FBXL5: variants seen among roughly 807,000 people sequenced by gnomAD.
The protein encoded by FBXL5 is F-box and leucine rich repeat protein 5, also known as F-box/LRR-repeat protein 5.
Under a neutral mutation model 78.3 loss-of-function variants are expected in FBXL5, and 26 were observed. The observed-to-expected ratio is 0.33, with a 90% CI of 0.24 to 0.46. The LOEUF is 0.46. Ranked by LOEUF, FBXL5 falls within the 20% of genes least tolerant of loss-of-function variation. The pLI is 1.00. For synonymous variants in FBXL5, 295 were observed against 282.5 expected, an observed-to-expected ratio of 1.04 and a Z score of -0.45; for missense variants, 710 against 829.2, an observed-to-expected ratio of 0.86 and a Z score of 1.77.
chr4:15,644,075 G>A (rs898950979), intron 2 of FBXL5, among the ~76,000 whole-genome samples: 3 of 152,190 alleles, frequency 2.0e-5, no homozygotes, highest in African/African-American at 7.2e-5. Flanking sequence ...TTGGTTTAGT[G>A]AAAAATCTCT....
intron 5 of FBXL5, 76 bp from the exon 6 acceptor site, chr4:15,630,867 A>C: frequency 6.4e-7 from 1 of 1,557,458 alleles, no homozygotes; most frequent in Non-Finnish European, 8.7e-7. Context: ...TAAGCTATTT[A>C]CGATAAAAAT....
At chr4:15,680,154 GGA>G (rs1718164628) in intron 1 of FBXL5, among the ~76,000 whole-genome samples, 1 of 151,924 alleles carries the variant, frequency 6.6e-6, no homozygotes, top group South Asian at 2.1e-4. Flanking sequence ...AAATATTGAA[GGA>G]GAGACCGAGT....
Position 15,605,626 on chromosome 4 carries a change from A to C in FBXL5, c.*97T>G, listed in dbSNP as rs1721832030. The stretch of plus-strand genomic sequence containing the variant: ...ATGGGGCCAAAACAAGTCACGCTCA[A>C]AAAGGGATGGTTAACACAAGAAATG... On this transcript the variant is annotated 3_prime_UTR_variant, in exon 11 of 11. Transcript: ENST00000341285. 9.9e-7 allele frequency: 1 copy of C among 1,013,788 alleles called. No homozygotes were observed. The highest frequency in any genetic ancestry group is 2.3e-5 in the Admixed American group (1 of 43,972). 62.8% of individuals were successfully genotyped at this position (1,013,788 alleles called of 1,614,324 possible). A position where few individuals can be genotyped will look rare whatever the true frequency, so the allele number is the denominator to read the frequency against.
At chr4:15,631,093 G>C (rs533429513) in intron 5 of FBXL5, among the ~76,000 whole-genome samples, 1 of 152,054 alleles carries the variant, frequency 6.6e-6, no homozygotes, top group African/African-American at 2.4e-5. Context: ...ACAGGACCTA[G>C]TGTGTGACGT....
intron 9 of FBXL5, among the ~76,000 whole-genome samples, chr4:15,615,986 G>A (rs368723693): frequency 4.6e-5 from 7 of 152,022 alleles, no homozygotes; most frequent in Non-Finnish European, 7.4e-5. Flanking sequence ...AACACTCACC[G>A]CGAAGATCTG....
chr4:15,644,958 A>G (rs1715215277), intron 1 of FBXL5, among the ~76,000 whole-genome samples: 1 of 152,230 alleles, frequency 6.6e-6, no homozygotes, highest in South Asian at 2.1e-4. Context: ...TGCACAAATC[A>G]CGGTTTCTTT....
chr4:15,630,935 C>CTTTT (rs1335402430), intron 5 of FBXL5, 144 bp from the exon 6 acceptor site: 6 of 1,004,454 alleles, frequency 6.0e-6, no homozygotes, highest in Non-Finnish European at 7.2e-6. Context: ...TTTTTTAATA[C>CTTTT]TTTTAAGTTC....
At chr4:15,639,718 G>A (rs2148641841) in intron 3 of FBXL5, among the ~76,000 whole-genome samples, 1 of 152,242 alleles carries the variant, frequency 6.6e-6, no homozygotes, top group East Asian at 1.9e-4. Context: ...TGAGTTGGGG[G>A]GCCCTGAAAA....
At chr4:15,667,700 A>G (rs554093821) in intron 1 of FBXL5, among the ~76,000 whole-genome samples, 39 of 152,254 alleles carry the variant, frequency 2.6e-4, no homozygotes, top group Non-Finnish European at 4.7e-4. Context: ...AGATATGATA[A>G]ATAAAACATG....
At chr4:15,626,084 A>G (rs551801357) in intron 8 of FBXL5, 107 bp from the exon 9 acceptor site, 1 of 1,005,916 alleles carries the variant, frequency 9.9e-7, no homozygotes. Flanking sequence ...CATCTAATAT[A>G]ATCACTTAAG....
intron 1 of FBXL5, among the ~76,000 whole-genome samples, chr4:15,653,318 T>C (rs980284023): frequency 1.3e-5 from 2 of 152,282 alleles, no homozygotes; most frequent in African/African-American, 4.8e-5. Context: ...AGATATCTTG[T>C]AAAAAAGCAA....
intron 4 of FBXL5, among the ~76,000 whole-genome samples, chr4:15,638,199 T>C (rs987337967): frequency 1.3e-5 from 2 of 152,204 alleles, no homozygotes; most frequent in Non-Finnish European, 2.9e-5. Context: ...TTTTGACTGA[T>C]CGATTTTGAG....
upstream of FBXL5, among the ~76,000 whole-genome samples, chr4:15,661,632 CT>C (rs975139845): frequency 6.6e-6 from 1 of 151,978 alleles, no homozygotes; most frequent in Non-Finnish European, 1.5e-5. Context: ...AAGATGGGGT[CT>C]TTTTTTTCTC....
chr4:15,678,523 A>G (rs183043039), intron 1 of FBXL5, among the ~76,000 whole-genome samples: 1 of 152,362 alleles, frequency 6.6e-6, no homozygotes, highest in East Asian at 1.9e-4. Context: ...ACTTTCATGC[A>G]TAGGTATACT....
chr4:15,665,103 T>C (rs1190798455), intron 1 of FBXL5, among the ~76,000 whole-genome samples: 1 of 152,146 alleles, frequency 6.6e-6, no homozygotes, highest in Non-Finnish European at 1.5e-5. Flanking sequence ...AGATGAAAAC[T>C]GAGCCACGTG....
At chr4:15,672,277 G>GA (rs1278733404) in intron 1 of FBXL5, among the ~76,000 whole-genome samples, 1 of 152,166 alleles carries the variant, frequency 6.6e-6, no homozygotes, top group Non-Finnish European at 1.5e-5. Flanking sequence ...CTGTCTTGTG[G>GA]AAACAGCCAA....
chr4:15,624,887 A>G (rs558449263), intron 9 of FBXL5, among the ~76,000 whole-genome samples: 1 of 152,252 alleles, frequency 6.6e-6, no homozygotes, highest in African/African-American at 2.4e-5. Context: ...ACTATAACAT[A>G]CAGAAATAAT....
chr4:15,676,100 G>A (rs1385164326), intron 1 of FBXL5, among the ~76,000 whole-genome samples: 1 of 152,178 alleles, frequency 6.6e-6, no homozygotes, highest in African/African-American at 2.4e-5. Flanking sequence ...CAGAAAGGAG[G>A]TTAGAGGAGA....
At chr4:15,672,543 A>T (rs1386961658) in intron 1 of FBXL5, among the ~76,000 whole-genome samples, 1 of 152,220 alleles carries the variant, frequency 6.6e-6, no homozygotes, top group African/African-American at 2.4e-5. Flanking sequence ...GTATCTAAAC[A>T]TAGAAAAGTT....
Sources: allele counts gnomAD v4.1 joint callset (sites outside exome capture counted in the v4.1 genomes callset), GRCh38; gene constraint gnomAD v4.1.1; transcripts MANE v1.5; gene names NCBI Gene and HGNC (gene_info 2026-07-23, HGNC 2026-07-21).